CFAP206: variants seen among roughly 807,000 people sequenced by gnomAD.
CFAP206 encodes the protein cilia- and flagella-associated protein 206.
A neutral mutation model predicts 65.4 loss-of-function variants in CFAP206; 53 were observed. The observed-to-expected ratio is 0.81, with a 90% CI of 0.65 to 1.02. The LOEUF is 1.02. Ranked by LOEUF, CFAP206 falls within the 50% of genes least tolerant of loss-of-function variation. CFAP206 has a pLI of 0.00. For synonymous variants in CFAP206, 250 were observed against 254.4 expected (o/e 0.98, Z 0.17); for missense variants, 663 against 753.2 (o/e 0.88, Z 1.40).
At chr6:87,437,888 T>G (rs1446367805) in intron 11 of CFAP206, among the ~76,000 whole-genome samples, 1 of 150,264 alleles carries the variant, frequency 6.7e-6, no homozygotes, top group Non-Finnish European at 1.5e-5. Flanking sequence ...CTCACTTTGT[T>G]GCTCAGGCTG....
chr6:87,456,701 T>C (rs1411159256), intron 11 of CFAP206, among the ~76,000 whole-genome samples: 3 of 152,170 alleles, frequency 2.0e-5, no homozygotes, highest in Admixed American at 6.5e-5. Context: ...CAAAAATCAG[T>C]AGCATTTCTG....
intron 11 of CFAP206, among the ~76,000 whole-genome samples, chr6:87,448,423 G>C (rs1401991336): frequency 2.0e-5 from 3 of 152,084 alleles, no homozygotes; most frequent in African/African-American, 7.2e-5. Context: ...GTAATATTTT[G>C]ATACATGTAT....
chr6:87,444,780 C>A, intron 11 of CFAP206: 1 of 517,614 alleles, frequency 1.9e-6, no homozygotes, highest in South Asian at 1.5e-5. Flanking sequence ...TTTTCTAGGC[C>A]CTAGGTTGAA....
Position 87,413,803 on chromosome 6 carries a change from T to C in CFAP206, c.193-7T>C, listed in dbSNP as rs1227729147. On this transcript the variant is annotated splice_region_variant and splice_polypyrimidine_tract_variant and intron_variant, in intron 3 of 12. Coordinates refer to ENST00000369562, the MANE Select transcript of CFAP206 (RefSeq NM_001031743.3). ...ACTAGAAGTATTCATGGGACATTCT[T>C]TTCTAGCTTTGTATGACTCGGCTAT... is the stretch of plus-strand genomic sequence containing the variant. 3.9e-6 allele frequency: 6 copies of C among 1,524,166 alleles called. No homozygotes were observed. The highest frequency in any genetic ancestry group is 5.3e-6 in the Non-Finnish European group (6 of 1,124,194). The allele number at this position is 1,524,166 out of a possible 1,614,324, so 94.4% of individuals were successfully genotyped here.
chr6:87,444,489 G>T, intron 11 of CFAP206: 1 of 228,344 alleles, frequency 4.4e-6, no homozygotes, highest in Non-Finnish European at 9.1e-6. Flanking sequence ...TGGGTTGTAG[G>T]CCACATCCTA....
At chr6:87,431,997 G>T (rs1380465494) in intron 10 of CFAP206, among the ~76,000 whole-genome samples, 1 of 152,064 alleles carries the variant, frequency 6.6e-6, no homozygotes. Context: ...CCAAAATAAA[G>T]AATAAATCAG....
At chr6:87,463,260 G>A (rs1172527941) in intron 12 of CFAP206, among the ~76,000 whole-genome samples, 1 of 152,212 alleles carries the variant, frequency 6.6e-6, no homozygotes, top group Non-Finnish European at 1.5e-5. Flanking sequence ...GTAAAATCAT[G>A]CTAATGAAGA....
chr6:87,436,470 A>C (rs960401424), intron 11 of CFAP206, among the ~76,000 whole-genome samples: 2 of 152,170 alleles, frequency 1.3e-5, no homozygotes, highest in African/African-American at 4.8e-5. Flanking sequence ...CCAAGCAGTA[A>C]GTAGTGAGAG....
At chr6:87,440,465 CGCGATATTG>C (rs1768344701) in intron 11 of CFAP206, among the ~76,000 whole-genome samples, 1 of 151,504 alleles carries the variant, frequency 6.6e-6, no homozygotes, top group African/African-American at 2.4e-5. Context: ...TTTTTTTTAA[CGCGATATTG>C]CTTTATTACA....
intron 8 of CFAP206, among the ~76,000 whole-genome samples, chr6:87,427,562 G>A (rs554684454): frequency 1.3e-5 from 2 of 152,232 alleles, no homozygotes; most frequent in South Asian, 2.1e-4. Flanking sequence ...GGGCCTTATT[G>A]ATTTTTTCAT....
intron 11 of CFAP206, chr6:87,444,881 CTG>C: frequency 1.8e-6 from 1 of 548,974 alleles, no homozygotes; most frequent in Non-Finnish European, 3.6e-6. Context: ...GCCCAGAAGT[CTG>C]TGTGTGAAAA....
In CFAP206 at chr6:87,426,627, C is replaced by T. The variant is rs1195564430; in HGVS notation, c.942C>T (p.Val314=). 3 of 1,587,272 alleles carry T rather than the reference C, an allele frequency of 1.9e-6. No individual in the cohort carries two copies. ...LKMTIKSKIA[V]PTSQVFPIFI... ...TGACCATAAAATCAAAGATAGCGGT[C>T]CCAACATCACAAGTCTTTGTAAGTA... The change falls in exon 8 of 13, where the codon GTC becomes GTT. Residue 314 remains valine, a synonymous_variant. Coordinates refer to ENST00000369562, the MANE Select transcript of CFAP206 (RefSeq NM_001031743.3).
chr6:87,445,951 A>G (rs9444501), intron 11 of CFAP206, among the ~76,000 whole-genome samples: 41,752 of 152,110 alleles, frequency 0.27, 5,938 homozygotes, highest in Admixed American at 0.38. Flanking sequence ...TTCTCTAATC[A>G]ATGATATTGA....
intron 7 of CFAP206, among the ~76,000 whole-genome samples, chr6:87,420,533 G>GT (rs1320098695): frequency 6.6e-6 from 1 of 152,172 alleles, no homozygotes; most frequent in African/African-American, 2.4e-5. Context: ...ATCTGTGTCC[G>GT]TAAGGAAGCT....
At chr6:87,410,716 TA>T (rs1304042058) in intron 3 of CFAP206, 48 bp downstream of exon 3, 26 of 1,396,106 alleles carry the variant, frequency 1.9e-5, no homozygotes, top group Non-Finnish European at 2.5e-5. Flanking sequence ...TTCTCAGTTG[TA>T]AATACAATAT....
chr6:87,415,658 A>G (rs1466845197), intron 4 of CFAP206, 28 bp from the exon 5 acceptor site: 2 of 1,587,994 alleles, frequency 1.3e-6, no homozygotes, highest in Non-Finnish European at 1.7e-6. Flanking sequence ...AATTAAATAT[A>G]TAGAACATTG....
chr6:87,437,548 A>G (rs1768292123), intron 11 of CFAP206, among the ~76,000 whole-genome samples: 1 of 152,074 alleles, frequency 6.6e-6, no homozygotes, highest in Admixed American at 6.5e-5. Flanking sequence ...CTTTAATTTT[A>G]ATGTAGTCAT....
At chr6:87,411,349 A>G (rs1002024888) in intron 3 of CFAP206, among the ~76,000 whole-genome samples, 3 of 152,270 alleles carry the variant, frequency 2.0e-5, no homozygotes, top group African/African-American at 7.2e-5. Context: ...AAAAATATCT[A>G]TTCATGGCCT....
At chr6:87,426,366 C>T (rs1768043231) in intron 7 of CFAP206, among the ~76,000 whole-genome samples, 160 bp from the exon 8 acceptor site, 1 of 152,226 alleles carries the variant, frequency 6.6e-6, no homozygotes, top group Non-Finnish European at 1.5e-5. Context: ...CATACATATG[C>T]TGGTACTGTT....
Sources: allele counts gnomAD v4.1 joint callset (sites outside exome capture counted in the v4.1 genomes callset), GRCh38; gene constraint gnomAD v4.1.1; transcripts MANE v1.5; gene names NCBI Gene and HGNC (gene_info 2026-07-23, HGNC 2026-07-21).